SLC24A2: variants seen among roughly 807,000 people sequenced by gnomAD.
SLC24A2 encodes solute carrier family 24 member 2.
In SLC24A2, 36 loss-of-function variants were observed where a neutral mutation model predicts 62.0. The ratio of observed to expected loss-of-function variants is 0.58; its 90% confidence interval spans 0.44 to 0.77. The LOEUF is 0.77. Among genes scored for constraint, SLC24A2 ranks in the 30% least tolerant of loss-of-function variants. The pLI, the probability that SLC24A2 is intolerant of heterozygous loss-of-function variation, is 0.00. For missense variants in SLC24A2, 846 were observed against 817.9 expected, an observed-to-expected ratio of 1.03 and a Z score of -0.42; for synonymous variants, 358 against 294.0, an observed-to-expected ratio of 1.22 and a Z score of -2.23.
chr9:19,590,660 T>C (rs935961013), intron 5 of SLC24A2, among the ~76,000 whole-genome samples: 1 of 152,176 alleles, frequency 6.6e-6, no homozygotes, highest in East Asian at 1.9e-4. Flanking sequence ...TGACTTTTTT[T>C]AGGTGAGCCC....
chr9:20,253,800 CG>C, the SLC24A2 span, among the ~76,000 whole-genome samples: 13 of 152,086 alleles, frequency 8.5e-5, no homozygotes, highest in South Asian at 2.1e-4. Flanking sequence ...AGTCAGTTCA[CG>C]GGGGGTCAGA....
chr9:20,077,078 G>A, the SLC24A2 span, among the ~76,000 whole-genome samples: 1 of 151,830 alleles, frequency 6.6e-6, no homozygotes, highest in Non-Finnish European at 1.5e-5. Context: ...ACTTATATGT[G>A]AAATCTTTTT....
chr9:20,077,514 T>TG, the SLC24A2 span, among the ~76,000 whole-genome samples: 1 of 152,128 alleles, frequency 6.6e-6, no homozygotes, highest in Non-Finnish European at 1.5e-5. Context: ...CTCTACAGTG[T>TG]GGGGCCCCTT....
At chr9:19,824,404 C>G in the SLC24A2 span, among the ~76,000 whole-genome samples, 4 of 152,128 alleles carry the variant, frequency 2.6e-5, no homozygotes, top group African/African-American at 9.6e-5. Context: ...ATGCAGCCAA[C>G]AAACATATGA....
At chr9:20,139,960 A>G in the SLC24A2 span, among the ~76,000 whole-genome samples, 8,597 of 152,216 alleles carry the variant, frequency 0.056, 667 homozygotes, top group East Asian at 0.39. Context: ...CGTGCTGCTG[A>G]ATGAGACTAT....
intron 9 of SLC24A2, among the ~76,000 whole-genome samples, chr9:19,522,440 A>G (rs1404833543): frequency 6.6e-6 from 1 of 152,244 alleles, no homozygotes; most frequent in Non-Finnish European, 1.5e-5. Context: ...TTAAAGGGCC[A>G]AAATAGCATA....
chr9:20,039,476 G>A, the SLC24A2 span, among the ~76,000 whole-genome samples: 861 of 152,210 alleles, frequency 5.7e-3, 4 homozygotes, highest in African/African-American at 0.019. Flanking sequence ...AGCAGAAGCT[G>A]TGATAACAAT....
At chr9:19,850,955 A>ATG in the SLC24A2 span, among the ~76,000 whole-genome samples, 1 of 25,476 alleles carries the variant, frequency 3.9e-5, no homozygotes, top group African/African-American at 1.1e-4. Flanking sequence ...ACATATATAT[A>ATG]TATATATATA....
the SLC24A2 span, among the ~76,000 whole-genome samples, chr9:20,084,681 G>T: frequency 5.0e-3 from 759 of 152,200 alleles, 5 homozygotes; most frequent in African/African-American, 0.017. Flanking sequence ...TCCCTGGGTA[G>T]CACCAACTCT....
At chr9:20,116,513 T>C in the SLC24A2 span, among the ~76,000 whole-genome samples, 1 of 152,186 alleles carries the variant, frequency 6.6e-6, no homozygotes, top group Non-Finnish European at 1.5e-5. Flanking sequence ...CTCTTCGTAG[T>C]TCTCCAATGG....
chr9:19,916,496 C>G, the SLC24A2 span, among the ~76,000 whole-genome samples: 1 of 151,988 alleles, frequency 6.6e-6, no homozygotes, highest in South Asian at 2.1e-4. Flanking sequence ...CAGATATTGT[C>G]AACTCACTGT....
chr9:19,791,874 A>G (rs960500207), upstream of SLC24A2, among the ~76,000 whole-genome samples: 7 of 152,242 alleles, frequency 4.6e-5, no homozygotes, highest in Non-Finnish European at 1.0e-4. Flanking sequence ...TTGTGTAAGT[A>G]TAAACATTAG....
At chr9:19,880,803 T>A in the SLC24A2 span, among the ~76,000 whole-genome samples, 1 of 152,192 alleles carries the variant, frequency 6.6e-6, no homozygotes. Flanking sequence ...ATCTTAACGA[T>A]CAAACCAAAG....
the SLC24A2 span, among the ~76,000 whole-genome samples, chr9:19,958,556 T>C: frequency 6.6e-6 from 1 of 152,194 alleles, no homozygotes; most frequent in African/African-American, 2.4e-5. Flanking sequence ...GCACGTGCTG[T>C]GCAAGTCTAG....
At chr9:19,737,295 A>T (rs1176391307) in intron 2 of SLC24A2, among the ~76,000 whole-genome samples, 1 of 152,220 alleles carries the variant, frequency 6.6e-6, no homozygotes, top group East Asian at 1.9e-4. Context: ...ATATATCTTC[A>T]TGGTAACAAA....
At chr9:20,189,784 G>A in the SLC24A2 span, among the ~76,000 whole-genome samples, 2 of 151,164 alleles carry the variant, frequency 1.3e-5, no homozygotes, top group South Asian at 4.3e-4. Flanking sequence ...CTTTAGCTAC[G>A]GATTTCTGAT....
the SLC24A2 span, among the ~76,000 whole-genome samples, chr9:20,154,851 C>T: frequency 6.6e-6 from 1 of 151,676 alleles, no homozygotes; most frequent in East Asian, 2.0e-4. Flanking sequence ...CGGCCCTCTG[C>T]ATAACCCAAG....
chr9:20,131,463 C>G, the SLC24A2 span, among the ~76,000 whole-genome samples: 3 of 152,102 alleles, frequency 2.0e-5, no homozygotes, highest in Non-Finnish European at 4.4e-5. Context: ...ACTTCAGATT[C>G]CTCAGGAAAG....
chr9:20,304,688 A>C, the SLC24A2 span, among the ~76,000 whole-genome samples: 6 of 152,334 alleles, frequency 3.9e-5, no homozygotes, highest in South Asian at 8.3e-4. Context: ...TGTTTGAATT[A>C]TGCTGGGTCT....
Sources: allele counts gnomAD v4.1 joint callset (sites outside exome capture counted in the v4.1 genomes callset), GRCh38; gene constraint gnomAD v4.1.1; transcripts MANE v1.5; gene names NCBI Gene and HGNC (gene_info 2026-07-23, HGNC 2026-07-21).